DIP2C: variants seen among roughly 807,000 people sequenced by gnomAD.
DIP2C encodes the protein disco-interacting protein 2 homolog C.
In DIP2C, 33 loss-of-function variants were observed where a neutral mutation model predicts 192.4. The observed-to-expected ratio is 0.17, with a 90% CI of 0.13 to 0.23. DIP2C has a LOEUF of 0.23. Ranked by LOEUF, DIP2C falls within the 10% of genes least tolerant of loss-of-function variation. DIP2C has a pLI of 1.00. For missense variants in DIP2C, 1,537 were observed against 2,110.1 expected (o/e 0.73, Z 5.32); for synonymous variants, 979 against 864.1 (o/e 1.13, Z -2.33).
intron 1 of DIP2C, among the ~76,000 whole-genome samples, chr10:612,154 A>G (rs909899150): frequency 6.6e-6 from 1 of 152,116 alleles, no homozygotes; most frequent in Non-Finnish European, 1.5e-5. Context: ...TGAGCCAGCC[A>G]TGGTGACGGG....
intron 1 of DIP2C, among the ~76,000 whole-genome samples, chr10:595,732 G>A (rs1031026649): frequency 6.6e-6 from 1 of 152,182 alleles, no homozygotes; most frequent in Non-Finnish European, 1.5e-5. Flanking sequence ...TGTAGGAAAT[G>A]TCGGCCCTCC....
At position 378,285 on chromosome 10, in the gene DIP2C, A is replaced by T. The variant is rs143787704; in HGVS notation, c.1991+4362T>A. 6.4e-3 allele frequency among the ~76,000 whole-genome samples: 975 copies of T among 152,368 alleles called. 10 individuals carry two copies. The highest frequency in any genetic ancestry group is 0.022 in the African/African-American group (913 of 41,592). On this transcript the variant is annotated intron_variant, in intron 17 of 36. Transcript: ENST00000280886. ...GTAGCAAGACTGAGCAGACTTCACT[A>T]GAGAACGTGATTTCCTGCCACCACT...
At chr10:613,310 C>T (rs1346437467) in intron 1 of DIP2C, among the ~76,000 whole-genome samples, 3 of 152,336 alleles carry the variant, frequency 2.0e-5, no homozygotes, top group African/African-American at 4.8e-5. Context: ...ACCTAGAAAA[C>T]GTCAGCTAGA....
intron 34 of DIP2C, among the ~76,000 whole-genome samples, chr10:285,407 G>A (rs544171674): frequency 1.3e-5 from 2 of 152,324 alleles, no homozygotes; most frequent in Admixed American, 1.3e-4. Context: ...GACAGGACAG[G>A]TGATAAGGGG....
intron 9 of DIP2C, among the ~76,000 whole-genome samples, chr10:404,781 AAG>A (rs1464526857): frequency 5.9e-5 from 9 of 152,238 alleles, no homozygotes; most frequent in African/African-American, 1.4e-4. Context: ...ACAATTTGCT[AAG>A]AGAGATTAGA....
chr10:635,359 G>C (rs1379388244), intron 1 of DIP2C, among the ~76,000 whole-genome samples: 1 of 152,236 alleles, frequency 6.6e-6, no homozygotes, highest in Non-Finnish European at 1.5e-5. Context: ...CACAGACTGG[G>C]ATAACAGTGG....
chr10:540,746 A>G (rs1847936562), intron 1 of DIP2C, among the ~76,000 whole-genome samples: 1 of 152,202 alleles, frequency 6.6e-6, no homozygotes, highest in Admixed American at 6.5e-5. Flanking sequence ...AGTAATCTCT[A>G]ATTACTGTCT....
In DIP2C at chr10:363,536, G is replaced by C. The variant is rs1002371275; in HGVS notation, c.2478-225C>G. ...GCAAGGTCACCCTGATCCCCACGGA[G>C]GCCACACACAGCACCCGCGGGCTCT... On this transcript the variant is annotated intron_variant, in intron 20 of 36. Coordinates refer to ENST00000280886, the MANE Select transcript of DIP2C (RefSeq NM_014974.3). This position sits in a 1 kb window ranked among gnomAD's most constrained non-coding sequence, Gnocchi z 5.4. Among the ~76,000 whole-genome samples the C allele has an allele frequency of 2.0e-5, 3 of 152,204 alleles. No homozygotes were observed. Among genetic ancestry groups the C allele is most frequent in the Non-Finnish European group, 4.4e-5 (3 of 68,044 alleles).
At chr10:606,917 ATAGGG>A (rs1346491896) in intron 1 of DIP2C, among the ~76,000 whole-genome samples, 55 of 152,244 alleles carry the variant, frequency 3.6e-4, no homozygotes, top group Admixed American at 7.8e-4. Context: ...TGGGGTCTGA[ATAGGG>A]GCCTTCCAAG....
At chr10:659,222 T>G (rs892841354) in intron 1 of DIP2C, among the ~76,000 whole-genome samples, 2 of 151,556 alleles carry the variant, frequency 1.3e-5, no homozygotes, top group African/African-American at 4.9e-5. Flanking sequence ...TACTTGCACA[T>G]GTGTGCGATG....
At chr10:392,563 G>GC (rs1278977862) in intron 10 of DIP2C, among the ~76,000 whole-genome samples, 3 of 152,246 alleles carry the variant, frequency 2.0e-5, no homozygotes, top group Non-Finnish European at 2.9e-5. Flanking sequence ...CGTGTAGAGT[G>GC]CCCCCCGCGG....
At chr10:378,603 G>A (rs574570719) in intron 17 of DIP2C, among the ~76,000 whole-genome samples, 3 of 148,794 alleles carry the variant, frequency 2.0e-5, no homozygotes, top group South Asian at 2.1e-4. Flanking sequence ...AGACACACAT[G>A]AACAGACATG....
At chr10:283,010 G>A (rs1954915498) in intron 35 of DIP2C, among the ~76,000 whole-genome samples, 1 of 152,248 alleles carries the variant, frequency 6.6e-6, no homozygotes, top group Non-Finnish European at 1.5e-5. Flanking sequence ...ATGCTCAGCA[G>A]CCATGCCCCT....
chr10:619,522 G>GCCCGCCCGCCCGCCC (rs1491403255), intron 1 of DIP2C, among the ~76,000 whole-genome samples: 1 of 86,944 alleles, frequency 1.2e-5, no homozygotes, highest in African/African-American at 8.9e-5. Context: ...GCCAGGGCCA[G>GCCCGCCCGCCCGCCC]GACCAAGCCC....
chr10:355,292 C>T (rs769345968), intron 24 of DIP2C, among the ~76,000 whole-genome samples: 30 of 152,208 alleles, frequency 2.0e-4, no homozygotes, highest in Admixed American at 3.3e-4. Context: ...CAAGACGACA[C>T]GCGCTTCTCT....
intron 1 of DIP2C, among the ~76,000 whole-genome samples, chr10:529,572 A>T (rs1306464589): frequency 2.6e-5 from 4 of 152,214 alleles, no homozygotes; most frequent in Non-Finnish European, 5.9e-5. Flanking sequence ...AACAGAAAAG[A>T]CAGGAGACAG....
At chr10:522,859 C>G (rs1846797531) in intron 1 of DIP2C, among the ~76,000 whole-genome samples, 1 of 152,194 alleles carries the variant, frequency 6.6e-6, no homozygotes, top group Non-Finnish European at 1.5e-5. Flanking sequence ...CGCAAAGGAC[C>G]CTGGAGTGAG....
intron 29 of DIP2C, among the ~76,000 whole-genome samples, chr10:331,922 C>A (rs952812093): frequency 6.6e-6 from 1 of 151,146 alleles, no homozygotes; most frequent in Non-Finnish European, 1.5e-5. Flanking sequence ...ATATTAACCA[C>A]TTCTTTTCTT....
intron 1 of DIP2C, among the ~76,000 whole-genome samples, chr10:517,990 A>C (rs1241259579): frequency 1.3e-5 from 2 of 152,236 alleles, no homozygotes; most frequent in East Asian, 3.9e-4. Context: ...TTCATCAAGG[A>C]AAGGCAGCAT....
Sources: gnomAD v4.1 joint callset for allele counts (sites outside exome capture counted in the v4.1 genomes callset) on GRCh38, gnomAD v4.1.1 for gene constraint, Gnocchi (gnomAD v3.1) non-coding constraint, MANE v1.5 for transcripts, NCBI Gene and HGNC (gene_info 2026-07-23, HGNC 2026-07-21) for gene names.